The following CLUAP1 variants were observed in gnomAD, a reference collection of about 807,000 sequenced individuals.
The protein encoded by CLUAP1 is intraflagellar transport 38, also known as clusterin-associated protein 1.
In CLUAP1, 50 loss-of-function variants were observed where a neutral mutation model predicts 55.0. The ratio of observed to expected loss-of-function variants is 0.91; its 90% CI spans 0.72 to 1.15. CLUAP1 has a LOEUF of 1.15. CLUAP1 is among the 50% of genes most tolerant of loss of function. The probability of loss-of-function intolerance (pLI) is 0.00; values close to 1 mark genes in which losing one functional copy is unlikely to be tolerated. For missense variants in CLUAP1, 530 were observed against 507.6 expected (o/e 1.04, Z -0.42); for synonymous variants, 195 against 175.4 (o/e 1.11, Z -0.88).
chr16:3,508,174 A>T, intron 3 of CLUAP1, 115 bp from the exon 4 acceptor site: 1 of 836,406 alleles, frequency 1.2e-6, no homozygotes, highest in Non-Finnish European at 1.9e-6. Flanking sequence ...CTTTGCTTTT[A>T]TTAGGTTATA....
chr16:3,528,491 G>A (rs902468540), intron 9 of CLUAP1, among the ~76,000 whole-genome samples: 1 of 152,184 alleles, frequency 6.6e-6, no homozygotes, highest in Non-Finnish European at 1.5e-5. Flanking sequence ...AGCCAAAGCA[G>A]CCCTCCCCTT....
chr16:3,532,477 C>A (rs569993521), intron 10 of CLUAP1, among the ~76,000 whole-genome samples: 3 of 132,320 alleles, frequency 2.3e-5, no homozygotes, highest in Non-Finnish European at 4.6e-5. Flanking sequence ...TGCAGTGGCA[C>A]GATCTCAGCT....
chr16:3,504,641 A>G, intron 1 of CLUAP1, 79 bp from the exon 2 acceptor site: 1 of 849,632 alleles, frequency 1.2e-6, no homozygotes, highest in East Asian at 2.5e-5. Context: ...ATAAGAAGGA[A>G]AAGTAAAGAC....
At chr16:3,500,810 G>A (rs2037377182), upstream of CLUAP1, 4 of 553,746 alleles carry the variant, frequency 7.2e-6, no homozygotes, top group Admixed American at 3.3e-5. Flanking sequence ...CAGACGCCCA[G>A]AAGCTGGGAA....
chr16:3,521,728 G>T (rs146166766), intron 7 of CLUAP1, among the ~76,000 whole-genome samples: 24 of 151,334 alleles, frequency 1.6e-4, no homozygotes, highest in Non-Finnish European at 3.2e-4. Context: ...TCATCATCAC[G>T]CCTGGCCTTT....
At chr16:3,498,835 T>G (rs1223876158), upstream of CLUAP1, among the ~76,000 whole-genome samples, 1 of 151,872 alleles carries the variant, frequency 6.6e-6, no homozygotes, top group African/African-American at 2.4e-5. Context: ...CACTCCAGAC[T>G]GGGTAACAGA....
At position 3,533,249 on chromosome 16, in the gene CLUAP1, C is replaced by G. The variant is rs1485553439; in HGVS notation, c.1092+408C>G. ...TCTCCCTAGGAGTGATGCTTCCTCTCTCCTGGGCAAAAAGGCCACTCAAAA... is the reference window on the plus strand; with the variant it reads ...TCTCCCTAGGAGTGATGCTTCCTCTGTCCTGGGCAAAAAGGCCACTCAAAA... On this transcript the variant is annotated intron_variant, in intron 11 of 11. Coordinates refer to ENST00000576634, the MANE Select transcript of CLUAP1 (RefSeq NM_015041.3). 3 of 992,548 alleles carry G rather than the reference C, an allele frequency of 3.0e-6. No individual in the cohort carries two copies. The African/African-American group carries it at 4.9e-5, about 16-fold the overall frequency. The allele number at this position is 992,548 out of a possible 1,614,324, so 61.5% of individuals were successfully genotyped here.
At chr16:3,529,787 A>T (rs1349876645) in intron 9 of CLUAP1, among the ~76,000 whole-genome samples, 1 of 57,974 alleles carries the variant, frequency 1.7e-5, no homozygotes, top group Non-Finnish European at 2.9e-5. Context: ...ATATTATATA[A>T]TATATATTAT....
chr16:3,536,091 C>A, intron 11 of CLUAP1, 31 bp from the exon 12 acceptor site: 1 of 1,609,902 alleles, frequency 6.2e-7, no homozygotes, highest in Non-Finnish European at 8.5e-7. Context: ...AGGCAGGATC[C>A]CCCGTTGCAT....
rs73503367 is a variant in CLUAP1 at position 3,526,552 on chromosome 16, G to T, written c.928+68G>T. 8.9e-3 allele frequency: 8,259 copies of T among 923,746 alleles called. 278 individuals are homozygous for T. In the African/African-American group the frequency reaches 0.091, roughly 10 times the overall value. 57.2% of individuals were successfully genotyped at this position (923,746 alleles called of 1,614,324 possible). A position where few individuals can be genotyped will look rare whatever the true frequency, so the allele number is the denominator to read the frequency against. ...TATTTTCAGCCTTGAAATATATATA[G>T]AGAGATATATATATATTTTTTAATA... is the stretch of plus-strand genomic sequence containing the variant. On this transcript the variant is annotated intron_variant, in intron 9 of 11. Coordinates refer to ENST00000576634, the MANE Select transcript of CLUAP1 (RefSeq NM_015041.3).
intron 5 of CLUAP1, among the ~76,000 whole-genome samples, chr16:3,513,444 A>AT (rs1041381591): frequency 5.3e-5 from 8 of 151,872 alleles, no homozygotes; most frequent in South Asian, 2.1e-4. Context: ...TTTATTTTTT[A>AT]TTTTTTTAAT....
Position 3,512,422 on chromosome 16 carries a change from A to G in CLUAP1, c.439A>G (p.Ile147Val). The G allele has an allele frequency of 6.2e-7, 1 of 1,614,098 alleles. No homozygotes were observed. Among genetic ancestry groups the G allele is most frequent in the Non-Finnish European group, 8.5e-7 (1 of 1,179,958 alleles). ...GGCAGCCAGGCAGCTTGCGTCTGAA[A>G]TCACCTCCAAAGGAGCATCTCTGTA... Reference protein sequence around the residue: ...LKAARQLASEITSKGASLYDL... With the variant: ...LKAARQLASEVTSKGASLYDL... The change falls in exon 5 of 12, where the codon ATC becomes GTC. Residue 147 changes from isoleucine (I) to valine (V), a missense_variant. Coordinates refer to ENST00000576634, the MANE Select transcript of CLUAP1 (RefSeq NM_015041.3).
At chr16:3,517,787 T>C (rs1242901205) in intron 6 of CLUAP1, among the ~76,000 whole-genome samples, 3 of 152,222 alleles carry the variant, frequency 2.0e-5, no homozygotes, top group African/African-American at 4.8e-5. Context: ...GATGCATATC[T>C]GACTCTAATG....
chr16:3,505,619 T>C (rs942083913), intron 2 of CLUAP1, among the ~76,000 whole-genome samples: 12 of 149,154 alleles, frequency 8.0e-5, no homozygotes, highest in Non-Finnish European at 1.6e-4. Context: ...TACCAGGAAG[T>C]CGTGAAAGGA....
At chr16:3,501,938 T>G (rs1298220278) in intron 1 of CLUAP1, 1 of 152,116 alleles carries the variant, frequency 6.6e-6, no homozygotes, top group Non-Finnish European at 1.5e-5. Context: ...CTGTGCCCCC[T>G]GTATTTGGTA....
intron 3 of CLUAP1, among the ~76,000 whole-genome samples, chr16:3,507,536 G>A (rs2037531295): frequency 6.6e-6 from 1 of 150,666 alleles, no homozygotes; most frequent in African/African-American, 2.5e-5. Context: ...CTCCAGCCCA[G>A]GTGACAGAGT....
In CLUAP1 at chr16:3,532,950, C is replaced by T. The variant is rs1248884525; in HGVS notation, c.1092+109C>T. On this transcript the variant is annotated intron_variant, in intron 11 of 11. Transcript: ENST00000576634. ...CAGCCAGGGAGCCGTCTATGGTCAG[C>T]CCGGCCGTGCCTCGATGCGTGGCAG... 2.8e-6 allele frequency: 4 copies of T among 1,422,662 alleles called. No individual in the cohort carries two copies. In the South Asian group the frequency reaches 4.6e-5, roughly 17 times the overall value. 88.1% of individuals were successfully genotyped at this position (1,422,662 alleles called of 1,614,324 possible). A position where few individuals can be genotyped will look rare whatever the true frequency, so the allele number is the denominator to read the frequency against.
intron 1 of CLUAP1, among the ~76,000 whole-genome samples, chr16:3,501,509 G>A (rs2037401512): frequency 6.6e-6 from 1 of 152,234 alleles, no homozygotes; most frequent in Non-Finnish European, 1.5e-5. Context: ...CAGGCCGGGC[G>A]CGGTGGCTCA....
In CLUAP1 at chr16:3,529,521, ATAT is replaced by A. The variant is rs1437910767; in HGVS notation, c.929-1040_929-1038del. 5.4e-3 allele frequency among the ~76,000 whole-genome samples: 364 copies of A among 67,436 alleles called. 5 individuals carry two copies. Among genetic ancestry groups the A allele is most frequent in the Non-Finnish European group, 7.8e-3 (307 of 39,510 alleles). The allele number at this position is 67,436 out of a possible 152,430, so 44.2% of individuals were successfully genotyped here. A position where few individuals can be genotyped will look rare whatever the true frequency, so the allele number is the denominator to read the frequency against. ...TATATTATATATATTATATAATTAT[ATAT>A]TATTATATGTTATATATTATTATAT... is the stretch of plus-strand genomic sequence containing the variant. On this transcript the variant is annotated intron_variant, in intron 9 of 11. Coordinates refer to ENST00000576634, the MANE Select transcript of CLUAP1 (RefSeq NM_015041.3).
Sources: gnomAD v4.1 joint callset for allele counts (sites outside exome capture counted in the v4.1 genomes callset) on GRCh38, gnomAD v4.1.1 for gene constraint, MANE v1.5 for transcripts, NCBI Gene and HGNC (gene_info 2026-07-23, HGNC 2026-07-21) for gene names.